The following RAD51B variants were observed in gnomAD, a reference collection of about 807,000 sequenced individuals.
RAD51B encodes DNA repair protein RAD51 homolog 2.
RAD51B carries 38 observed loss-of-function variants against 42.2 expected under a neutral mutation model. The ratio of observed to expected loss-of-function variants is 0.90; its 90% CI spans 0.70 to 1.18. The LOEUF (loss-of-function observed/expected upper bound fraction) is 1.18. Among genes scored for constraint, RAD51B ranks in the 50% most tolerant of loss-of-function variants. The probability of loss-of-function intolerance (pLI) is 0.00; values close to 1 mark genes in which losing one functional copy is unlikely to be tolerated. For missense variants in RAD51B, 373 were observed against 400.7 expected (o/e 0.93, Z 0.59); for synonymous variants, 154 against 145.2 (o/e 1.06, Z -0.43).
chr14:68,587,180 AAG>A (rs1890530231), intron 10 of RAD51B, among the ~76,000 whole-genome samples: 1 of 152,100 alleles, frequency 6.6e-6, no homozygotes, highest in African/African-American at 2.4e-5. Flanking sequence ...GTCCACACAA[AAG>A]AGGGGGAGAG....
intron 7 of RAD51B, chr14:68,113,919 G>A (rs2140596514): frequency 6.6e-6 from 1 of 152,262 alleles, no homozygotes; most frequent in African/African-American, 2.4e-5. Flanking sequence ...ACTTCTCACA[G>A]ATGCCGCATT....
chr14:68,668,868 C>T (rs1893090238), intron 11 of RAD51B, among the ~76,000 whole-genome samples: 4 of 152,210 alleles, frequency 2.6e-5, no homozygotes, highest in Admixed American at 6.5e-5. Flanking sequence ...GTGCCCAAAT[C>T]CCCAAGAAAA....
At chr14:67,952,379 T>G (rs1399589916) in intron 7 of RAD51B, among the ~76,000 whole-genome samples, 1 of 152,184 alleles carries the variant, frequency 6.6e-6, no homozygotes, top group Non-Finnish European at 1.5e-5. Flanking sequence ...TTCTGCAATA[T>G]TAATGAACGG....
intron 9 of RAD51B, among the ~76,000 whole-genome samples, chr14:68,426,154 C>T (rs140720220): frequency 0.051 from 7,740 of 151,592 alleles, 611 homozygotes; most frequent in African/African-American, 0.17. Context: ...CCACAACCTC[C>T]GCCTCCCAGG....
chr14:68,468,150 G>C (rs773332128), intron 9 of RAD51B, 22 bp from the exon 10 acceptor site: 2 of 1,608,194 alleles, frequency 1.2e-6, no homozygotes, highest in Admixed American at 1.7e-5. Flanking sequence ...ACTAACCCTA[G>C]AAAAATGTGC....
intron 10 of RAD51B, among the ~76,000 whole-genome samples, chr14:68,500,433 A>C (rs1040581129): frequency 3.9e-5 from 6 of 152,246 alleles, no homozygotes; most frequent in African/African-American, 1.4e-4. Context: ...AAGCCACAGT[A>C]TTACAGAAGG....
intron 10 of RAD51B, among the ~76,000 whole-genome samples, chr14:68,585,354 C>T (rs1890406924): frequency 6.6e-6 from 1 of 152,214 alleles, no homozygotes; most frequent in Non-Finnish European, 1.5e-5. Context: ...TGCTGCCAAT[C>T]CCCATTATCC....
At chr14:68,625,459 C>T (rs965213227) in intron 10 of RAD51B, among the ~76,000 whole-genome samples, 17 of 152,114 alleles carry the variant, frequency 1.1e-4, no homozygotes, top group African/African-American at 3.6e-4. Flanking sequence ...ACACTGGGCT[C>T]GCCAGGCTTT....
intron 4 of RAD51B, among the ~76,000 whole-genome samples, chr14:67,850,577 C>T (rs1297385001): frequency 6.6e-6 from 1 of 152,094 alleles, no homozygotes; most frequent in Non-Finnish European, 1.5e-5. Context: ...TATTTGTTTA[C>T]TGTGAAGAAC....
At chr14:68,234,021 A>G (rs1426660308) in intron 7 of RAD51B, among the ~76,000 whole-genome samples, 2 of 152,142 alleles carry the variant, frequency 1.3e-5, no homozygotes, top group Non-Finnish European at 2.9e-5. Context: ...GTAGGGTGGA[A>G]AAAAGGGGTA....
intron 8 of RAD51B, among the ~76,000 whole-genome samples, chr14:68,378,518 T>G (rs1171875469): frequency 6.6e-6 from 1 of 152,196 alleles, no homozygotes; most frequent in Non-Finnish European, 1.5e-5. Context: ...CCAAGTCCCT[T>G]ATATAAAATC....
At position 68,540,912 on chromosome 14, in the gene RAD51B, G is replaced by A. The variant is rs1014044143; in HGVS notation, c.1037-53573G>A. On this transcript the variant is annotated intron_variant, in intron 10 of 10. Transcript: ENST00000487270. ...GTTGAAGAGTAGGGCCAGATGATGT[G>A]AAGTTTGGAAAGAGAGGCAGGGCAT... The A allele has an allele frequency of 9.1e-6, 9 of 985,436 alleles. No homozygotes were observed. In the Admixed American group the frequency reaches 5.5e-4, roughly 60 times the overall value. The allele number at this position is 985,436 out of a possible 1,614,324, so 61.0% of individuals were successfully genotyped here. A position where few individuals can be genotyped will look rare whatever the true frequency, so the allele number is the denominator to read the frequency against.
At chr14:68,559,397 T>C (rs1455518014) in intron 10 of RAD51B, among the ~76,000 whole-genome samples, 2 of 151,864 alleles carry the variant, frequency 1.3e-5, no homozygotes, top group Non-Finnish European at 2.9e-5. Context: ...TTTTTTTTTT[T>C]TGAGATGGAG....
chr14:67,855,819 A>G (rs565745737), intron 4 of RAD51B, among the ~76,000 whole-genome samples: 2 of 152,196 alleles, frequency 1.3e-5, no homozygotes, highest in African/African-American at 2.4e-5. Context: ...CACAAGTTGT[A>G]ACAGCAGCAG....
chr14:67,959,251 A>ATT (rs879532529), intron 7 of RAD51B, among the ~76,000 whole-genome samples: 1 of 145,568 alleles, frequency 6.9e-6, no homozygotes. Context: ...TTTGGTCAAT[A>ATT]TTTTTTTTTT....
intron 7 of RAD51B, among the ~76,000 whole-genome samples, chr14:68,072,052 ATTATATATAT>A (rs1158039620): frequency 1.7e-5 from 2 of 116,034 alleles, no homozygotes; most frequent in African/African-American, 8.9e-5. Flanking sequence ...TATATATATA[ATTATATATAT>A]TTATATAAAT....
intron 4 of RAD51B, among the ~76,000 whole-genome samples, chr14:67,856,484 GTAGT>G (rs1271572376): frequency 6.6e-6 from 1 of 152,100 alleles, no homozygotes; most frequent in Admixed American, 6.5e-5. Context: ...ACGGAGACAA[GTAGT>G]TAGATGCTGG....
chr14:68,209,313 A>G (rs2079654198), intron 7 of RAD51B, among the ~76,000 whole-genome samples: 1 of 152,202 alleles, frequency 6.6e-6, no homozygotes, highest in Non-Finnish European at 1.5e-5. Context: ...AAGTATCCTG[A>G]GGCTGACAAA....
At chr14:68,173,297 A>G (rs992052700) in intron 7 of RAD51B, among the ~76,000 whole-genome samples, 2 of 152,232 alleles carry the variant, frequency 1.3e-5, no homozygotes, top group Non-Finnish European at 2.9e-5. Context: ...CTTTTTCCAC[A>G]TAAGGTCAGA....
Sources: gnomAD v4.1 joint callset for allele counts (sites outside exome capture counted in the v4.1 genomes callset) on GRCh38, gnomAD v4.1.1 for gene constraint, MANE v1.5 for transcripts, NCBI Gene and HGNC (gene_info 2026-07-23, HGNC 2026-07-21) for gene names.